Variants in DPP10 observed in about 807,000 individuals in gnomAD.
DPP10 encodes inactive dipeptidyl peptidase 10.
Under a neutral mutation model 120.9 loss-of-function variants are expected in DPP10, and 33 were observed. That is an observed-to-expected ratio of 0.27 (90% CI 0.21 to 0.37). The LOEUF is 0.37. DPP10 is among the 10% of genes least tolerant of loss of function. The probability of loss-of-function intolerance (pLI) is 1.00; values close to 1 mark genes in which losing one functional copy is unlikely to be tolerated. For missense variants in DPP10, 816 were observed against 942.8 expected (o/e 0.87, Z 1.76); for synonymous variants, 337 against 326.1 (o/e 1.03, Z -0.36).
intron 1 of DPP10, among the ~76,000 whole-genome samples, chr2:114,572,808 A>G (rs1485828129): frequency 6.6e-6 from 1 of 152,260 alleles, no homozygotes; most frequent in Non-Finnish European, 1.5e-5. Flanking sequence ...TTACAGATGA[A>G]GAAACTGAAG....
intron 1 of DPP10, among the ~76,000 whole-genome samples, chr2:115,030,742 G>A (rs1559013767): frequency 6.6e-6 from 1 of 152,092 alleles, no homozygotes; most frequent in Admixed American, 6.6e-5. Flanking sequence ...GCAGTATTTG[G>A]TTTTCTGTTC....
chr2:114,850,055 T>C (rs926620132), intron 1 of DPP10, among the ~76,000 whole-genome samples: 2 of 150,270 alleles, frequency 1.3e-5, no homozygotes, highest in African/African-American at 4.9e-5. Flanking sequence ...TCTCTTTCTT[T>C]TTTTTTTTCT....
intron 1 of DPP10, among the ~76,000 whole-genome samples, chr2:114,850,596 C>G (rs1033764020): frequency 6.6e-6 from 1 of 151,872 alleles, no homozygotes; most frequent in Non-Finnish European, 1.5e-5. Flanking sequence ...AATTCAGATC[C>G]TGGAGATTAG....
intron 5 of DPP10, among the ~76,000 whole-genome samples, chr2:115,545,193 CA>C (rs1211149667): frequency 1.3e-5 from 2 of 151,990 alleles, no homozygotes; most frequent in Non-Finnish European, 2.9e-5. Context: ...TTATTCTCTC[CA>C]AAAAAGTTGG....
At chr2:115,599,253 C>A (rs1363968189) in intron 5 of DPP10, among the ~76,000 whole-genome samples, 3 of 152,092 alleles carry the variant, frequency 2.0e-5, no homozygotes, top group Non-Finnish European at 2.9e-5. Flanking sequence ...TTTCTTCAAG[C>A]AGCTCTTCTG....
At chr2:114,868,435 A>G (rs1420539495) in intron 1 of DPP10, among the ~76,000 whole-genome samples, 1 of 152,178 alleles carries the variant, frequency 6.6e-6, no homozygotes, top group African/African-American at 2.4e-5. Flanking sequence ...ATTTGTAGTT[A>G]TTCCTCTTAA....
intron 3 of DPP10, among the ~76,000 whole-genome samples, chr2:115,395,001 A>C (rs1041284899): frequency 1.3e-5 from 2 of 152,234 alleles, no homozygotes; most frequent in Admixed American, 6.5e-5. Flanking sequence ...CTATCATTGT[A>C]GACAAAAGTT....
At chr2:115,233,922 C>A in intron 1 of DPP10, 1 of 517,952 alleles carries the variant, frequency 1.9e-6, no homozygotes, top group South Asian at 1.4e-5. Flanking sequence ...CCAGTAGTAT[C>A]AGGTGGATTT....
At chr2:115,756,586 T>C (rs1029959657) in intron 11 of DPP10, among the ~76,000 whole-genome samples, 1 of 152,118 alleles carries the variant, frequency 6.6e-6, no homozygotes, top group African/African-American at 2.4e-5. Flanking sequence ...GATAAATTTA[T>C]TTAGTAAATT....
At chr2:115,322,588 A>C (rs2062116154) in intron 2 of DPP10, among the ~76,000 whole-genome samples, 1 of 152,256 alleles carries the variant, frequency 6.6e-6, no homozygotes, top group African/African-American at 2.4e-5. Flanking sequence ...GCCCAGCATA[A>C]GGTTTATATC....
chr2:115,405,373 G>A (rs982683778), intron 3 of DPP10, among the ~76,000 whole-genome samples: 6 of 152,224 alleles, frequency 3.9e-5, no homozygotes, highest in East Asian at 1.9e-4. Context: ...TCAAGACCTC[G>A]GACAGGCCCA....
chr2:115,076,166 A>C (rs1379539898), intron 1 of DPP10, among the ~76,000 whole-genome samples: 1 of 152,104 alleles, frequency 6.6e-6, no homozygotes, highest in Non-Finnish European at 1.5e-5. Flanking sequence ...TATATGTCAG[A>C]CATTCAGGTA....
At chr2:115,341,397 A>G (rs1319311526) in intron 2 of DPP10, among the ~76,000 whole-genome samples, 1 of 151,986 alleles carries the variant, frequency 6.6e-6, no homozygotes, top group Admixed American at 6.6e-5. Flanking sequence ...TAGCTTCCCC[A>G]ATTATCAACA....
At chr2:114,610,686 G>T (rs1286471546) in intron 1 of DPP10, among the ~76,000 whole-genome samples, 1 of 152,084 alleles carries the variant, frequency 6.6e-6, no homozygotes, top group African/African-American at 2.4e-5. Context: ...GGGAAGTCTG[G>T]TGACGGCAAC....
At chr2:115,571,049 A>G (rs942623897) in intron 5 of DPP10, among the ~76,000 whole-genome samples, 3 of 152,188 alleles carry the variant, frequency 2.0e-5, no homozygotes, top group African/African-American at 7.2e-5. Flanking sequence ...TCACACATCT[A>G]ATGTCTGAAG....
At chr2:114,810,760 T>C (rs1016766887) in intron 1 of DPP10, among the ~76,000 whole-genome samples, 1 of 152,150 alleles carries the variant, frequency 6.6e-6, no homozygotes, top group Non-Finnish European at 1.5e-5. Context: ...TGGATAATGA[T>C]GTAACACAGA....
intron 1 of DPP10, among the ~76,000 whole-genome samples, chr2:115,073,292 A>G (rs1490443893): frequency 6.6e-6 from 1 of 152,232 alleles, no homozygotes; most frequent in African/African-American, 2.4e-5. Context: ...GTAGAGCTTT[A>G]AAAGTTCTAA....
chr2:115,380,310 C>A (rs929116453), intron 3 of DPP10, among the ~76,000 whole-genome samples: 2 of 152,132 alleles, frequency 1.3e-5, no homozygotes, highest in East Asian at 1.9e-4. Flanking sequence ...TATTTAATGG[C>A]CTTCTTTGTC....
At chr2:115,479,820 T>A (rs2105257125) in intron 3 of DPP10, among the ~76,000 whole-genome samples, 1 of 152,212 alleles carries the variant, frequency 6.6e-6, no homozygotes, top group Non-Finnish European at 1.5e-5. Flanking sequence ...TAGCTCCACT[T>A]TTAGCCATAT....
Sources: gnomAD v4.1 joint callset for allele counts (sites outside exome capture counted in the v4.1 genomes callset) on GRCh38, gnomAD v4.1.1 for gene constraint, MANE v1.5 for transcripts, NCBI Gene and HGNC (gene_info 2026-07-23, HGNC 2026-07-21) for gene names.